The following GNG12 variants were observed in gnomAD, a reference collection of about 807,000 sequenced individuals.
The protein encoded by GNG12 is guanine nucleotide-binding protein G(I)/G(S)/G(O) subunit gamma-12.
For synonymous variants in GNG12, 28 were observed against 29.7 expected, an observed-to-expected ratio of 0.94 and a Z score of 0.19; for missense variants, 69 against 83.8, an observed-to-expected ratio of 0.82 and a Z score of 0.69.
intron 1 of GNG12, among the ~76,000 whole-genome samples, chr1:67,788,921 T>C (rs1646785108): frequency 6.6e-6 from 1 of 152,204 alleles, no homozygotes; most frequent in Non-Finnish European, 1.5e-5. Flanking sequence ...GAATGAATGA[T>C]GGTGGGACCA....
intron 2 of GNG12, among the ~76,000 whole-genome samples, chr1:67,722,031 A>C (rs982368154): frequency 1.3e-5 from 2 of 152,174 alleles, no homozygotes; most frequent in African/African-American, 4.8e-5. Context: ...TTCTAGTCTT[A>C]AAGCCCTAGC....
chr1:67,792,623 A>G lies in GNG12; in HGVS notation c.-76-15116T>C, dbSNP rs181910689. Among the ~76,000 whole-genome samples the G allele has an allele frequency of 3.6e-4, 55 of 152,334 alleles. 1 individual carries two copies. Among genetic ancestry groups the G allele is most frequent in the Admixed American group, 2.5e-3 (38 of 15,300 alleles). On this transcript the variant is annotated intron_variant, in intron 1 of 3. Coordinates refer to ENST00000370982, the MANE Select transcript of GNG12 (RefSeq NM_018841.6). ...AAAATGCTTGCAGAATTAAGCTAATAAAGACATTGTCTGCCTTATTTGTGG... is the reference window on the plus strand; with the variant it reads ...AAAATGCTTGCAGAATTAAGCTAATGAAGACATTGTCTGCCTTATTTGTGG...
At chr1:67,724,890 TAA>T (rs1327504476) in intron 2 of GNG12, among the ~76,000 whole-genome samples, 2 of 152,188 alleles carry the variant, frequency 1.3e-5, no homozygotes, top group Non-Finnish European at 1.5e-5. Flanking sequence ...TTAAAAAAAT[TAA>T]AAGTCTATAG....
chr1:67,706,588 C>T (rs942114619), intron 3 of GNG12, among the ~76,000 whole-genome samples: 1 of 151,966 alleles, frequency 6.6e-6, no homozygotes, highest in African/African-American at 2.4e-5. Context: ...GCTGGGAAGA[C>T]AGGTGACTAT....
intron 2 of GNG12, among the ~76,000 whole-genome samples, chr1:67,710,025 T>C (rs1646279275): frequency 3.4e-5 from 1 of 29,040 alleles, no homozygotes; most frequent in Non-Finnish European, 7.0e-5. Flanking sequence ...TATATATAGT[T>C]ATATATATAT....
chr1:67,810,128 A>G (rs1646915368), intron 1 of GNG12, among the ~76,000 whole-genome samples: 1 of 152,192 alleles, frequency 6.6e-6, no homozygotes, highest in Non-Finnish European at 1.5e-5. Flanking sequence ...ACACAGAGGA[A>G]ACTTAAATGC....
chr1:67,823,501 G>A (rs772876762), intron 1 of GNG12, among the ~76,000 whole-genome samples: 5 of 152,196 alleles, frequency 3.3e-5, no homozygotes, highest in Non-Finnish European at 7.3e-5. Context: ...TTCTGACAGA[G>A]ATGTATGCAA....
At chr1:67,833,017 C>A (rs1013538399) in intron 1 of GNG12, among the ~76,000 whole-genome samples, 2 of 152,094 alleles carry the variant, frequency 1.3e-5, no homozygotes, top group Non-Finnish European at 2.9e-5. Flanking sequence ...GCCCTAGCCC[C>A]AGCCACAGCC....
intron 2 of GNG12, among the ~76,000 whole-genome samples, chr1:67,764,997 C>G (rs538108441): frequency 6.6e-6 from 1 of 152,032 alleles, no homozygotes; most frequent in Non-Finnish European, 1.5e-5. Flanking sequence ...GGTCAAAAAG[C>G]AACAGATTAT....
chr1:67,775,012 A>G (rs887807873), intron 2 of GNG12, among the ~76,000 whole-genome samples: 4 of 152,204 alleles, frequency 2.6e-5, no homozygotes, highest in African/African-American at 9.7e-5. Context: ...CATTATTACT[A>G]TTGTTGCTGT....
chr1:67,833,115 C>T (rs961743046), intron 1 of GNG12, among the ~76,000 whole-genome samples: 48 of 151,666 alleles, frequency 3.2e-4, no homozygotes, highest in African/African-American at 1.1e-3. Flanking sequence ...TCCCTTGGCC[C>T]CTTCCTCCCC....
intron 1 of GNG12, among the ~76,000 whole-genome samples, chr1:67,825,817 G>A (rs914292283): frequency 1.3e-5 from 2 of 152,122 alleles, no homozygotes; most frequent in African/African-American, 2.4e-5. Context: ...TACACAACGG[G>A]TGCTGGTGAC....
chr1:67,800,858 A>G (rs1264074577), intron 1 of GNG12, among the ~76,000 whole-genome samples: 1 of 152,204 alleles, frequency 6.6e-6, no homozygotes, highest in Non-Finnish European at 1.5e-5. Context: ...TGAAAGGATC[A>G]TGGAGACCCC....
At chr1:67,708,029 T>C (rs115048459) in intron 2 of GNG12, among the ~76,000 whole-genome samples, 1 of 152,220 alleles carries the variant, frequency 6.6e-6, no homozygotes, top group Non-Finnish European at 1.5e-5. Flanking sequence ...CAAACACTTG[T>C]AGCACTTAGG....
chr1:67,743,710 A>C (rs1646494587), intron 2 of GNG12, among the ~76,000 whole-genome samples: 1 of 152,208 alleles, frequency 6.6e-6, no homozygotes, highest in Admixed American at 6.5e-5. Flanking sequence ...AAGAGCAATT[A>C]ATTTAGGCTG....
At chr1:67,821,594 CT>C (rs1383758727) in intron 1 of GNG12, among the ~76,000 whole-genome samples, 2 of 152,162 alleles carry the variant, frequency 1.3e-5, no homozygotes, top group Non-Finnish European at 2.9e-5. Context: ...TGATTGTGGC[CT>C]TGTAAAACCC....
chr1:67,774,523 C>T (rs1646693434), intron 2 of GNG12, among the ~76,000 whole-genome samples: 1 of 152,140 alleles, frequency 6.6e-6, no homozygotes, highest in Non-Finnish European at 1.5e-5. Flanking sequence ...TGGCCTTGAA[C>T]CAGGAATAGC....
chr1:67,727,459 A>G (rs1009974290), intron 2 of GNG12, among the ~76,000 whole-genome samples: 1 of 152,240 alleles, frequency 6.6e-6, no homozygotes, highest in African/African-American at 2.4e-5. Flanking sequence ...GGTAGATTGA[A>G]TAAATACATG....
At chr1:67,722,531 G>A (rs1430119480) in intron 2 of GNG12, among the ~76,000 whole-genome samples, 1 of 151,354 alleles carries the variant, frequency 6.6e-6, no homozygotes, top group Admixed American at 6.6e-5. Context: ...GATGGTCAGT[G>A]AGGACTTGAG....
Sources: allele counts gnomAD v4.1 joint callset (sites outside exome capture counted in the v4.1 genomes callset), GRCh38; gene constraint gnomAD v4.1.1; transcripts MANE v1.5; gene names NCBI Gene and HGNC (gene_info 2026-07-23, HGNC 2026-07-21).